Variants in ZC3H7B observed in about 807,000 individuals in gnomAD.
The protein encoded by ZC3H7B is zinc finger CCCH domain-containing protein 7B.
In ZC3H7B, 35 loss-of-function variants were observed where a neutral mutation model predicts 116.0. The ratio of observed to expected loss-of-function variants is 0.30; its 90% CI spans 0.23 to 0.40. ZC3H7B has a LOEUF of 0.40. Ranked by LOEUF, ZC3H7B falls within the 10% of genes least tolerant of loss-of-function variation. ZC3H7B has a pLI of 1.00. For missense variants in ZC3H7B, 1,011 were observed against 1,321.5 expected (o/e 0.77, Z 3.64); for synonymous variants, 502 against 545.6 (o/e 0.92, Z 1.11).
At chr22:41,305,003 C>T (rs924768453) in intron 1 of ZC3H7B, among the ~76,000 whole-genome samples, 3 of 152,018 alleles carry the variant, frequency 2.0e-5, no homozygotes, top group African/African-American at 7.2e-5. Context: ...CTTGAGGTCA[C>T]GAGTTCGAGA....
At chr22:41,330,173 C>T (rs552948613) in intron 6 of ZC3H7B, 70 bp downstream of exon 6, 34 of 1,551,836 alleles carry the variant, frequency 2.2e-5, no homozygotes, top group South Asian at 1.6e-4. Flanking sequence ...GACCAGGCTC[C>T]GTGGGGAAGG....
Position 41,355,965 on chromosome 22 carries a change from T to C in ZC3H7B, c.2286T>C (p.His762=). Residue 762 remains histidine, a synonymous_variant, in exon 20 of 23, where the codon CAT becomes CAC. Coordinates refer to ENST00000352645, the MANE Select transcript of ZC3H7B (RefSeq NM_017590.6). ...NFPQQYDLCI[H]AQNGRKCQYV... is the part of the protein sequence containing the mutation. ...CGCCCACCCCACAGCTCTGCATCCA[T>C]GCACAGAACGGCCGCAAGTGCCAAT... 1.9e-6 allele frequency: 3 copies of C among 1,575,950 alleles called. No individual in the cohort carries two copies. The highest frequency in any genetic ancestry group is 2.6e-6 in the Non-Finnish European group (3 of 1,161,194).
chr22:41,357,426 G>A lies in ZC3H7B; in HGVS notation c.2931G>A (p.Glu977=), dbSNP rs2036736304. The A allele has an allele frequency of 3.2e-6, 5 of 1,564,886 alleles. No individual in the cohort carries two copies. Among genetic ancestry groups the A allele is most frequent in the African/African-American group, 2.7e-5 (2 of 73,492 alleles). ...PAAAATATTG[E] The stretch of plus-strand genomic sequence containing the variant: ...CTGCTGCCACCGCCACCACTGGGGA[G>A]TAGGGCCAGGTGTTGGCCGTGGGTG... The change falls in exon 23 of 23, where the codon GAG becomes GAA. Residue 977 remains glutamate, a synonymous_variant. Coordinates refer to ENST00000352645, the MANE Select transcript of ZC3H7B (RefSeq NM_017590.6). This position sits in a 1 kb window ranked among gnomAD's most constrained non-coding sequence, Gnocchi z 5.4.
chr22:41,325,020 C>T (rs557157248), intron 2 of ZC3H7B, among the ~76,000 whole-genome samples: 1 of 152,334 alleles, frequency 6.6e-6, no homozygotes, highest in Non-Finnish European at 1.5e-5. Context: ...TCCTCTTGTC[C>T]TTTTCCAGTC....
intron 16 of ZC3H7B, among the ~76,000 whole-genome samples, chr22:41,350,460 G>A (rs1267989165): frequency 1.3e-5 from 2 of 149,056 alleles, no homozygotes; most frequent in African/African-American, 5.0e-5. Context: ...CAGAAGCCGG[G>A]AGATCAGGGA....
Position 41,346,823 on chromosome 22 carries a change from C to T in ZC3H7B, c.1665+615C>T, listed in dbSNP as rs920776383. Reference sequence around the variant, plus strand: ...AAAAAAAAATTAAAAATTAGCTGGGCTTGGTGGCATGCGCCTCCCGTCCCA... The same window carrying T: ...AAAAAAAAATTAAAAATTAGCTGGGTTTGGTGGCATGCGCCTCCCGTCCCA... On this transcript the variant is annotated intron_variant, in intron 14 of 22. Transcript: ENST00000352645. The surrounding 1 kb of genome is among the most constrained non-coding windows in gnomAD (Gnocchi z 5.3). Among the ~76,000 whole-genome samples the T allele has an allele frequency of 1.3e-5, 2 of 151,914 alleles. No individual in the cohort carries two copies. The highest frequency in any genetic ancestry group is 2.9e-5 in the Non-Finnish European group (2 of 68,010).
chr22:41,312,325 G>C (rs2036129399), intron 1 of ZC3H7B, among the ~76,000 whole-genome samples: 1 of 151,626 alleles, frequency 6.6e-6, no homozygotes, highest in Non-Finnish European at 1.5e-5. Context: ...AAAATTAGCT[G>C]GGCATGATGG....
chr22:41,311,867 T>C (rs950322821), intron 1 of ZC3H7B, among the ~76,000 whole-genome samples: 1 of 152,104 alleles, frequency 6.6e-6, no homozygotes, highest in Non-Finnish European at 1.5e-5. Context: ...TCCTCAACCA[T>C]GCATGGAGGC....
Position 41,348,141 on chromosome 22 carries a change from T to A in ZC3H7B, c.1740T>A (p.Ala580=). Residue 580 remains alanine (A), a synonymous_variant, in exon 15 of 23, where the codon GCT becomes GCA. Transcript: ENST00000352645. ...CTCCGTCTGTCTGCTCCAACCTGGC[T>A]GCCAAGCACAGCTTCTACAACAACA... is the stretch of plus-strand genomic sequence containing the variant. ...KDSPSVCSNL[A]AKHSFYNNKC... 6.2e-7 allele frequency: 1 copy of A among 1,613,944 alleles called. No homozygotes were observed. The highest frequency in any genetic ancestry group is 8.5e-7 in the Non-Finnish European group (1 of 1,179,922).
chr22:41,342,670 C>T, intron 12 of ZC3H7B, 42 bp downstream of exon 12: 1 of 1,541,016 alleles, frequency 6.5e-7, no homozygotes, highest in Non-Finnish European at 8.9e-7. Context: ...GCCCAGAGAA[C>T]TGGGAATCTC....
chr22:41,356,208 G>C lies in ZC3H7B; in HGVS notation c.2384-135G>C. 3 of 1,503,710 alleles carry C rather than the reference G, an allele frequency of 2.0e-6. No individual in the cohort carries two copies. In the South Asian group the frequency reaches 3.9e-5, roughly 20 times the overall value. 93.1% of individuals were successfully genotyped at this position (1,503,710 alleles called of 1,614,324 possible). A position where few individuals can be genotyped will look rare whatever the true frequency, so the allele number is the denominator to read the frequency against. On this transcript the variant is annotated intron_variant, in intron 20 of 22. Transcript: ENST00000352645. Reference sequence around the variant, plus strand: ...ACCTGCCCCATGCCGGGCCCTCTCTGAGGCCAGGCCCTGAGGCTGAGCGGC... The same window carrying C: ...ACCTGCCCCATGCCGGGCCCTCTCTCAGGCCAGGCCCTGAGGCTGAGCGGC...
At chr22:41,330,978 T>C (rs1404129877) in intron 6 of ZC3H7B, among the ~76,000 whole-genome samples, 3 of 144,676 alleles carry the variant, frequency 2.1e-5, no homozygotes, top group Non-Finnish European at 1.5e-5. Context: ...ACGCCATTCT[T>C]CTGCCTCGGC....
At chr22:41,332,256 C>G (rs1485563828) in intron 7 of ZC3H7B, 29 bp downstream of exon 7, 2 of 1,613,340 alleles carry the variant, frequency 1.2e-6, no homozygotes, top group Non-Finnish European at 1.7e-6. Flanking sequence ...CAACCTGTCT[C>G]AGTTTATCCA....
chr22:41,325,038 C>G (rs2145914240), intron 2 of ZC3H7B, among the ~76,000 whole-genome samples: 1 of 152,312 alleles, frequency 6.6e-6, no homozygotes, highest in Admixed American at 6.5e-5. Flanking sequence ...GTCCTGGGGG[C>G]CTCCTAGGCC....
At position 41,340,013 on chromosome 22, in the gene ZC3H7B, C is replaced by T. The variant is rs2036498826; in HGVS notation, c.1014C>T (p.Ala338=). 1 of 1,610,940 alleles carries T rather than the reference C, an allele frequency of 6.2e-7. No individual in the cohort carries two copies. The highest frequency in any genetic ancestry group is 8.5e-7 in the Non-Finnish European group (1 of 1,179,994). ...SKKLAASVLD[A]LDPPGPTLDP... ...AGCTGGCCGCCTCTGTGCTGGATGC[C>T]CTCGATCCCCCGGGCCCCACGCTGG... Residue 338 remains alanine, a synonymous_variant, in exon 10 of 23, where the codon GCC becomes GCT. Transcript: ENST00000352645.
Position 41,356,010 on chromosome 22 carries a change from C to T in ZC3H7B, c.2331C>T (p.Phe777=), listed in dbSNP as rs372287733. Residue 777 remains phenylalanine (F), a synonymous_variant, in exon 20 of 23, where the codon TTC becomes TTT. Transcript: ENST00000352645. ...GCCAATATGTGGGGAACTGCTCCTT[C>T]GCACACAGCCCGGAGGAGAGGGACA... ...RKCQYVGNCS[F]AHSPEERDMW... 6.1e-5 allele frequency: 95 copies of T among 1,566,932 alleles called. No individual in the cohort carries two copies. The highest frequency in any genetic ancestry group is 7.8e-5 in the Non-Finnish European group (90 of 1,158,418).
At chr22:41,308,561 G>T (rs1240092591) in intron 1 of ZC3H7B, among the ~76,000 whole-genome samples, 1 of 152,134 alleles carries the variant, frequency 6.6e-6, no homozygotes, top group African/African-American at 2.4e-5. Flanking sequence ...CTTGATCCAG[G>T]CCTGAACCAC....
chr22:41,347,242 T>G (rs1386036616), intron 14 of ZC3H7B, among the ~76,000 whole-genome samples: 1 of 152,086 alleles, frequency 6.6e-6, no homozygotes, highest in Non-Finnish European at 1.5e-5. Context: ...CCGCATCCCT[T>G]GTTGTGGGTA....
chr22:41,320,807 T>C, intron 2 of ZC3H7B, 94 bp downstream of exon 2: 2 of 1,555,102 alleles, frequency 1.3e-6, no homozygotes, highest in Non-Finnish European at 1.8e-6. Context: ...TTCTTGCTGC[T>C]GAGCCTTTGC....
Sources: allele counts gnomAD v4.1 joint callset (sites outside exome capture counted in the v4.1 genomes callset), GRCh38; gene constraint gnomAD v4.1.1; non-coding constraint Gnocchi (gnomAD v3.1); transcripts MANE v1.5; gene names NCBI Gene and HGNC (gene_info 2026-07-23, HGNC 2026-07-21).